Variants in UGDH observed in about 807,000 individuals in gnomAD.
UGDH encodes UDP-glucose 6-dehydrogenase, also known as UDP-Glc dehydrogenase.
A neutral mutation model predicts 50.6 loss-of-function variants in UGDH; 38 were observed. The observed-to-expected ratio is 0.75, with a 90% CI of 0.58 to 0.98. UGDH has a LOEUF of 0.98. Ranked by LOEUF, UGDH falls within the 50% of genes least tolerant of loss-of-function variation. The probability of loss-of-function intolerance (pLI) is 0.00; values close to 1 mark genes in which losing one functional copy is unlikely to be tolerated. For synonymous variants in UGDH, 168 were observed against 199.9 expected (o/e 0.84, Z 1.35); for missense variants, 465 against 606.2 (o/e 0.77, Z 2.45).
Position 39,503,869 on chromosome 4 carries a change from G to A in UGDH, c.1374+6C>T. 1 of 1,610,716 alleles carries A rather than the reference G, an allele frequency of 6.2e-7. No homozygotes were observed. The highest frequency in any genetic ancestry group is 8.5e-7 in the Non-Finnish European group (1 of 1,177,588). On this transcript the variant is annotated splice_donor_region_variant and intron_variant, in intron 11 of 11. Transcript: ENST00000316423. ...AAGAAAAAAAACAATCCAGGATCAT[G>A]ATTACCTGGAAGCCAATGGTTTGTA...
At chr4:39,511,265 CTTT>C (rs200878844) in intron 3 of UGDH, among the ~76,000 whole-genome samples, 2 of 141,580 alleles carry the variant, frequency 1.4e-5, no homozygotes, top group African/African-American at 5.2e-5. Flanking sequence ...GTTTTAAAGT[CTTT>C]TTTTTTTTTT....
Position 39,505,376 on chromosome 4 carries a change from G to GT in UGDH, c.1038-7_1038-6insA. 6.7e-7 allele frequency: 1 copy of GT among 1,487,878 alleles called. No homozygotes were observed. Among genetic ancestry groups the GT allele is most frequent in the South Asian group, 1.4e-5 (1 of 71,974 alleles). 92.2% of individuals were successfully genotyped at this position (1,487,878 alleles called of 1,614,324 possible). A position where few individuals can be genotyped will look rare whatever the true frequency, so the allele number is the denominator to read the frequency against. ...TATATATACTAGAAGATTCTCTATA[G>GT]GAAAAAAAAAATCAGTATTGGTAAG... On this transcript the variant is annotated splice_polypyrimidine_tract_variant and splice_region_variant and intron_variant, in intron 8 of 11. Coordinates refer to ENST00000316423, the MANE Select transcript of UGDH (RefSeq NM_003359.4).
intron 1 of UGDH, among the ~76,000 whole-genome samples, chr4:39,523,327 C>T (rs1449713198): frequency 6.6e-6 from 1 of 151,958 alleles, no homozygotes; most frequent in African/African-American, 2.4e-5. Flanking sequence ...GCTAGCATTA[C>T]AGGCACGAGC....
At chr4:39,517,979 A>C (rs1560267268) in intron 2 of UGDH, among the ~76,000 whole-genome samples, 1 of 152,128 alleles carries the variant, frequency 6.6e-6, no homozygotes, top group Non-Finnish European at 1.5e-5. Context: ...CCAACGCTGG[A>C]GTGCAGTGGT....
chr4:39,515,539 T>A (rs964951806), intron 2 of UGDH, among the ~76,000 whole-genome samples: 1 of 152,108 alleles, frequency 6.6e-6, no homozygotes, highest in African/African-American at 2.4e-5. Flanking sequence ...ATATTTATGT[T>A]AAGAATATGG....
At chr4:39,500,315 T>C (rs754427769) in intron 11 of UGDH, 62 bp from the exon 12 acceptor site, 481 of 1,045,972 alleles carry the variant, frequency 4.6e-4, no homozygotes, top group Non-Finnish European at 6.3e-4. Flanking sequence ...GAATTTATAA[T>C]GTACTGAAAT....
At chr4:39,505,783 TAA>T in intron 7 of UGDH, 35 bp from the exon 8 acceptor site, 1 of 1,576,928 alleles carries the variant, frequency 6.3e-7, no homozygotes, top group Non-Finnish European at 8.6e-7. Flanking sequence ...AATGATTAGT[TAA>T]AAGAGGCACA....
At chr4:39,517,616 A>C (rs1315327280) in intron 2 of UGDH, among the ~76,000 whole-genome samples, 1 of 152,196 alleles carries the variant, frequency 6.6e-6, no homozygotes, top group Non-Finnish European at 1.5e-5. Context: ...AGAATCTACT[A>C]TTTTCTCAGT....
At chr4:39,510,175 T>C (rs574428455) in intron 5 of UGDH, among the ~76,000 whole-genome samples, 178 bp downstream of exon 5, 24 of 152,374 alleles carry the variant, frequency 1.6e-4, no homozygotes, top group Non-Finnish European at 3.1e-4. Context: ...GAATCTTTTA[T>C]ACCCTCATAT....
chr4:39,509,836 T>C lies in UGDH; in HGVS notation c.735A>G (p.Gly245=). 3 of 1,613,428 alleles carry C rather than the reference T, an allele frequency of 1.9e-6. No individual in the cohort carries two copies. The highest frequency in any genetic ancestry group is 1.1e-5 in the South Asian group (1 of 91,046). ...CTGTTGCTACCTCTTCTACATCAGC[T>C]CCTGTTGCTTCACACAGAGCACTTA... ...NSISALCEAT[G]ADVEEVATAI... Residue 245 remains glycine (G), a synonymous_variant, in exon 6 of 12, where the codon GGA becomes GGG. Coordinates refer to ENST00000316423, the MANE Select transcript of UGDH (RefSeq NM_003359.4).
chr4:39,522,570 G>A (rs533466649), intron 1 of UGDH, among the ~76,000 whole-genome samples: 3 of 152,236 alleles, frequency 2.0e-5, no homozygotes, highest in East Asian at 3.9e-4. Flanking sequence ...TTTTTGGTTT[G>A]AATCTGTATT....
chr4:39,511,641 C>T (rs899443514), intron 3 of UGDH, among the ~76,000 whole-genome samples: 12 of 151,294 alleles, frequency 7.9e-5, no homozygotes, highest in African/African-American at 2.9e-4. Context: ...CAAATGCTTT[C>T]TGAGTTCATT....
intron 7 of UGDH, among the ~76,000 whole-genome samples, chr4:39,508,085 T>C (rs985282567): frequency 5.9e-5 from 9 of 152,134 alleles, no homozygotes; most frequent in African/African-American, 2.2e-4. Flanking sequence ...AAAACACAGA[T>C]ACCCAATAAA....
chr4:39,518,099 T>C (rs796832056), intron 2 of UGDH, among the ~76,000 whole-genome samples: 4 of 152,124 alleles, frequency 2.6e-5, no homozygotes, highest in African/African-American at 9.6e-5. Context: ...TGGCTAATTT[T>C]TGTATTATTT....
At chr4:39,504,162 G>C (rs1745935626) in intron 10 of UGDH, among the ~76,000 whole-genome samples, 177 bp from the exon 11 acceptor site, 1 of 152,044 alleles carries the variant, frequency 6.6e-6, no homozygotes. Context: ...CAAAAAATTA[G>C]TTGGGCGTGG....
chr4:39,520,053 C>T (rs1036790487), intron 2 of UGDH, among the ~76,000 whole-genome samples: 5 of 151,930 alleles, frequency 3.3e-5, no homozygotes, highest in Non-Finnish European at 7.4e-5. Flanking sequence ...AAGAAATAAG[C>T]TTCAGCCGGG....
At chr4:39,504,724 G>T (rs1578264091) in intron 9 of UGDH, among the ~76,000 whole-genome samples, 1 of 152,140 alleles carries the variant, frequency 6.6e-6, no homozygotes, top group East Asian at 1.9e-4. Context: ...ATGGAATGTG[G>T]ATATGCTGGA....
At chr4:39,526,326 G>T (rs2109953931) in intron 1 of UGDH, 1 of 152,344 alleles carries the variant, frequency 6.6e-6, no homozygotes, top group African/African-American at 2.4e-5. Flanking sequence ...TTAGAAAAAG[G>T]AGTACAGCAA....
At chr4:39,519,562 G>A (rs1001587140) in intron 2 of UGDH, among the ~76,000 whole-genome samples, 2 of 151,664 alleles carry the variant, frequency 1.3e-5, no homozygotes, top group African/African-American at 4.8e-5. Context: ...ATTTTGAGAC[G>A]AAGTCTTGCT....
Sources: allele counts gnomAD v4.1 joint callset (sites outside exome capture counted in the v4.1 genomes callset), GRCh38; gene constraint gnomAD v4.1.1; transcripts MANE v1.5; gene names NCBI Gene and HGNC (gene_info 2026-07-23, HGNC 2026-07-21).